Variants in FGD3 observed in about 807,000 individuals in gnomAD.
FGD3 encodes the protein FYVE, RhoGEF and PH domain-containing protein 3.
In FGD3, 45 loss-of-function variants were observed where a neutral mutation model predicts 71.8. The ratio of observed to expected loss-of-function variants is 0.63; its 90% CI spans 0.49 to 0.80. The LOEUF (loss-of-function observed/expected upper bound fraction) is 0.80, where lower values mean the gene tolerates loss of function less well. Ranked by LOEUF, FGD3 falls within the 30% of genes least tolerant of loss-of-function variation. The pLI is 0.00. For missense variants in FGD3, 844 were observed against 951.5 expected (o/e 0.89, Z 1.49); for synonymous variants, 378 against 392.8 (o/e 0.96, Z 0.44).
chr9:93,011,105 TGA>T, intron 7 of FGD3, 107 bp from the exon 8 acceptor site: 1 of 1,152,342 alleles, frequency 8.7e-7, no homozygotes, highest in South Asian at 1.2e-5. Flanking sequence ...TGGGAAAGGC[TGA>T]GGGCAGAGAC....
intron 13 of FGD3, 31 bp downstream of exon 13, chr9:93,020,455 CT>C (rs1411232212): frequency 6.3e-7 from 1 of 1,586,382 alleles, no homozygotes; most frequent in African/African-American, 1.3e-5. Context: ...GCAGAGAGAC[CT>C]CCAGGGGACG....
intron 13 of FGD3, among the ~76,000 whole-genome samples, chr9:93,021,546 C>T (rs923705075): frequency 1.3e-5 from 2 of 152,110 alleles, no homozygotes; most frequent in African/African-American, 2.4e-5. Flanking sequence ...GGGAGGCACC[C>T]AGGAGAGACG....
At chr9:93,010,509 C>T (rs1163275400) in intron 7 of FGD3, 125 bp downstream of exon 7, 2 of 981,238 alleles carry the variant, frequency 2.0e-6, no homozygotes, top group Non-Finnish European at 1.3e-6. Context: ...ACAGAGAGAC[C>T]AGAGGGAAAG....
At chr9:92,993,514 G>A (rs1587837384) in intron 3 of FGD3, among the ~76,000 whole-genome samples, 1 of 152,158 alleles carries the variant, frequency 6.6e-6, no homozygotes, top group East Asian at 1.9e-4. Context: ...TGTGCACAAT[G>A]TGCAGGTTTG....
intron 1 of FGD3, among the ~76,000 whole-genome samples, chr9:92,956,320 T>C (rs796302337): frequency 4.6e-5 from 7 of 152,348 alleles, no homozygotes; most frequent in African/African-American, 1.7e-4. Flanking sequence ...CCTTGCCTTG[T>C]TCTCACTTTG....
In FGD3 at chr9:92,976,522, A is replaced by C. The variant is rs528463738; in HGVS notation, c.266A>C (p.Asn89Thr). The change falls in exon 3 of 18, where the codon AAC becomes ACC. Residue 89 changes from asparagine to threonine, a missense_variant. Transcript: ENST00000375482. The part of the protein sequence containing the change: ...DSPSSSVAGE[N>T]FPCEEGLEAG... Reference sequence around the variant, plus strand: ...CCCTCCTCCAGTGTGGCTGGAGAGAACTTTCCCTGCGAGGAGGGCTTGGAG... The same window carrying C: ...CCCTCCTCCAGTGTGGCTGGAGAGACCTTTCCCTGCGAGGAGGGCTTGGAG... 5.0e-6 allele frequency: 8 copies of C among 1,612,504 alleles called. No homozygotes were observed. The South Asian group carries it at 8.8e-5, about 18-fold the overall frequency.
chr9:92,989,180 A>C (rs1860303105), intron 3 of FGD3, among the ~76,000 whole-genome samples: 1 of 152,108 alleles, frequency 6.6e-6, no homozygotes, highest in Non-Finnish European at 1.5e-5. Context: ...CCTCCTGAGT[A>C]GCTGGGACTA....
At chr9:92,948,598 CGT>C (rs1309948797) in intron 1 of FGD3, among the ~76,000 whole-genome samples, 2 of 152,034 alleles carry the variant, frequency 1.3e-5, no homozygotes, top group Non-Finnish European at 2.9e-5. Flanking sequence ...ACAATGAGTG[CGT>C]GTGTGTGTGT....
chr9:92,980,928 G>A (rs977317804), intron 3 of FGD3, among the ~76,000 whole-genome samples: 53 of 149,246 alleles, frequency 3.6e-4, no homozygotes, highest in African/African-American at 1.2e-3. Flanking sequence ...CCTAGATCCC[G>A]CCACTGTGCT....
At chr9:92,960,343 C>A (rs1256532974) in intron 1 of FGD3, among the ~76,000 whole-genome samples, 2 of 152,066 alleles carry the variant, frequency 1.3e-5, no homozygotes, top group African/African-American at 2.4e-5. Flanking sequence ...TCCTCATTCC[C>A]CCATGAGGAC....
At chr9:92,956,838 C>CTT (rs71364336) in intron 1 of FGD3, among the ~76,000 whole-genome samples, 21 of 138,724 alleles carry the variant, frequency 1.5e-4, no homozygotes, top group Non-Finnish European at 2.9e-4. Context: ...TGCTTTCTTT[C>CTT]TTTTTTTTTT....
chr9:93,013,585 A>C (rs539384452), intron 8 of FGD3, among the ~76,000 whole-genome samples: 3 of 152,296 alleles, frequency 2.0e-5, no homozygotes, highest in African/African-American at 7.2e-5. Context: ...GGTGAGTTAA[A>C]ACATGTATCA....
chr9:92,997,073 G>A (rs1860675963), intron 3 of FGD3, among the ~76,000 whole-genome samples: 1 of 152,046 alleles, frequency 6.6e-6, no homozygotes, highest in South Asian at 2.1e-4. Flanking sequence ...TTGACAGTGG[G>A]GTGTTAAAGT....
Position 92,980,544 on chromosome 9 carries a change from A to G in FGD3, c.453+3835A>G, listed in dbSNP as rs369385025. On this transcript the variant is annotated intron_variant, in intron 3 of 17. Transcript: ENST00000375482. ...TTTGAGTTTCTTGATGTGCAGAGTTAGGTTGTTGATTCAAGATTTTTTTTT... is the reference window on the plus strand; with the variant it reads ...TTTGAGTTTCTTGATGTGCAGAGTTGGGTTGTTGATTCAAGATTTTTTTTT... Among the ~76,000 whole-genome samples the G allele has an allele frequency of 5.7e-4, 86 of 151,436 alleles. 1 individual carries two copies. In the South Asian group the frequency reaches 0.017, roughly 30 times the overall value.
At chr9:93,029,039 A>C (rs1362007782) in intron 14 of FGD3, among the ~76,000 whole-genome samples, 1 of 58,126 alleles carries the variant, frequency 1.7e-5, no homozygotes, top group Non-Finnish European at 3.6e-5. Context: ...TTTTTTTTTG[A>C]GACAGAATCT....
At chr9:93,011,855 CA>C (rs35066025) in intron 8 of FGD3, among the ~76,000 whole-genome samples, 8 of 124,678 alleles carry the variant, frequency 6.4e-5, no homozygotes, top group Admixed American at 8.5e-5. Flanking sequence ...GACTCCGTCT[CA>C]AAAAAAAAAG....
At chr9:92,949,670 G>A (rs1016919940) in intron 1 of FGD3, among the ~76,000 whole-genome samples, 4 of 152,348 alleles carry the variant, frequency 2.6e-5, no homozygotes, top group African/African-American at 9.6e-5. Flanking sequence ...GGGCCACCAG[G>A]CAGCGGCTCT....
At chr9:93,028,218 GCACACACACACACA>G (rs547210870) in intron 14 of FGD3, among the ~76,000 whole-genome samples, 1 of 141,052 alleles carries the variant, frequency 7.1e-6, no homozygotes, top group Non-Finnish European at 1.5e-5. Context: ...ACACACACAC[GCACACACACACACA>G]CACACCCCAA....
In FGD3 at chr9:93,008,279, A is replaced by G. The variant is rs145899287; in HGVS notation, c.838-1967A>G. Among the ~76,000 whole-genome samples, 5 of 152,260 alleles carry G rather than the reference A, an allele frequency of 3.3e-5. No individual in the cohort carries two copies. In the East Asian group the frequency reaches 9.7e-4, roughly 29 times the overall value. On this transcript the variant is annotated intron_variant, in intron 6 of 17. Coordinates refer to ENST00000375482, the MANE Select transcript of FGD3 (RefSeq NM_001083536.2). Reference sequence around the variant, plus strand: ...CCCAGCACAGTGATCAAAATCGGGGATTTTACACTGATGTCCTGGTGCTAT... The same window carrying G: ...CCCAGCACAGTGATCAAAATCGGGGGTTTTACACTGATGTCCTGGTGCTAT...
Sources: allele counts gnomAD v4.1 joint callset (sites outside exome capture counted in the v4.1 genomes callset), GRCh38; gene constraint gnomAD v4.1.1; transcripts MANE v1.5; gene names NCBI Gene and HGNC (gene_info 2026-07-23, HGNC 2026-07-21).